The following TIA1 variants were observed in gnomAD, a reference collection of about 807,000 sequenced individuals.
The protein encoded by TIA1 is cytotoxic granule associated RNA binding protein TIA1.
A neutral mutation model predicts 65.9 loss-of-function variants in TIA1; 23 were observed. The observed-to-expected ratio is 0.35, with a 90% CI of 0.25 to 0.49. TIA1 has a LOEUF of 0.49. TIA1 is among the 20% of genes least tolerant of loss of function. TIA1 has a pLI of 0.98. For missense variants in TIA1, 371 were observed against 477.9 expected, an observed-to-expected ratio of 0.78 and a Z score of 2.09; for synonymous variants, 147 against 149.4, an observed-to-expected ratio of 0.98 and a Z score of 0.12.
intron 2 of TIA1, among the ~76,000 whole-genome samples, chr2:70,234,280 A>T (rs1373071193): frequency 1.3e-5 from 2 of 152,182 alleles, no homozygotes; most frequent in African/African-American, 4.8e-5. Context: ...ACAGGCAGCA[A>T]ATTTTCCATA....
chr2:70,224,582 T>C lies in TIA1; in HGVS notation c.446A>G (p.Tyr149Cys), dbSNP rs1379396633. The change falls in exon 7 of 13, where the codon TAT (tyrosine) becomes TGT (cysteine). Residue 149 changes from tyrosine to cysteine, a missense_variant. Physicochemically the swap from Tyr to Cys is radical, Grantham distance 194. Transcript: ENST00000433529. Reference sequence around the variant, plus strand: ...TTTGTTGAAAAAGGAGACAAAGCCATATCCCTTAGACTTTCCTGTTGCCAT... The same window carrying C: ...TTTGTTGAAAAAGGAGACAAAGCCACATCCCTTAGACTTTCCTGTTGCCAT... Reference protein sequence around the residue: ...KDMATGKSKGYGFVSFFNKWD... With the variant: ...KDMATGKSKGCGFVSFFNKWD... The C allele has an allele frequency of 1.2e-6, 2 of 1,614,080 alleles. No homozygotes were observed. The highest frequency in any genetic ancestry group is 8.5e-7 in the Non-Finnish European group (1 of 1,180,002).
chr2:70,217,087 A>T, intron 7 of TIA1, 93 bp from the exon 8 acceptor site: 1 of 1,305,862 alleles, frequency 7.7e-7, no homozygotes, highest in Non-Finnish European at 1.0e-6. Context: ...GCTTTTCACA[A>T]ATGTTTAAGT....
intron 1 of TIA1, among the ~76,000 whole-genome samples, chr2:70,238,118 G>A (rs966953511): frequency 2.2e-4 from 34 of 151,220 alleles, no homozygotes; most frequent in Middle Eastern, 3.4e-3. Flanking sequence ...CCGAGATGGT[G>A]CCACTGCACT....
intron 5 of TIA1, chr2:70,228,635 A>G (rs1684784849): frequency 3.0e-6 from 3 of 985,374 alleles, no homozygotes; most frequent in South Asian, 4.7e-5. Context: ...AAATGGACAC[A>G]TACATCAATT....
At chr2:70,228,813 G>T (rs962898559) in intron 5 of TIA1, 31 of 1,387,306 alleles carry the variant, frequency 2.2e-5, no homozygotes, top group Non-Finnish European at 7.4e-6. Context: ...TTGCCCCTTA[G>T]TTGGTGAAAG....
rs1438915662 is a variant in TIA1, at chr2:70,222,144, C to CA, written c.474+2409dup. Among the ~76,000 whole-genome samples, 735 of 136,550 alleles carry CA rather than the reference C, an allele frequency of 5.4e-3. 6 individuals are homozygous for CA. The highest frequency in any genetic ancestry group is 0.017 in the African/African-American group (663 of 39,482). 89.6% of individuals were successfully genotyped at this position (136,550 alleles called of 152,430 possible). The stretch of plus-strand genomic sequence containing the variant: ...TAAAACAAAAACAAAACAAAACAAA[C>CA]AAACAAAAAAAAAACAATGAAGCAG... On this transcript the variant is annotated intron_variant, in intron 7 of 12. Coordinates refer to ENST00000433529, the MANE Select transcript of TIA1 (RefSeq NM_022173.4).
Position 70,211,469 on chromosome 2 carries a change from GC to G in TIA1, c.*1249del, listed in dbSNP as rs1438643331. On this transcript the variant is annotated 3_prime_UTR_variant, in exon 13 of 13. Transcript: ENST00000433529. Reference sequence around the variant, plus strand: ...CCTCTGAACATTTAAAAGATGCTTTGCCCAGCTGGTCCTTCAGGCAAAATTT... The same window carrying G: ...CCTCTGAACATTTAAAAGATGCTTTGCCAGCTGGTCCTTCAGGCAAAATTT... 1 of 150,496 alleles carries G rather than the reference GC, an allele frequency of 6.6e-6. No homozygotes were observed. Among genetic ancestry groups the G allele is most frequent in the Non-Finnish European group, 1.5e-5 (1 of 67,724 alleles). 9.3% of individuals were successfully genotyped at this position (150,496 alleles called of 1,614,324 possible). A position where few individuals can be genotyped will look rare whatever the true frequency, so the allele number is the denominator to read the frequency against.
rs529234958 is a variant in TIA1, at chr2:70,210,272, T to A, written c.*2447A>T. 1 of 152,340 alleles carries A rather than the reference T, an allele frequency of 6.6e-6. No individual in the cohort carries two copies. The highest frequency in any genetic ancestry group is 2.4e-5 in the African/African-American group (1 of 41,576). The allele number at this position is 152,340 out of a possible 1,614,324, so 9.4% of individuals were successfully genotyped here. On this transcript the variant is annotated 3_prime_UTR_variant, in exon 13 of 13. Coordinates refer to ENST00000433529, the MANE Select transcript of TIA1 (RefSeq NM_022173.4). ...TAAAGAATACTGGATTAATCACCCA[T>A]TAAGTGTAAATCACTTCAGGTTCTT...
At chr2:70,245,073 C>T (rs982709637) in intron 1 of TIA1, among the ~76,000 whole-genome samples, 1 of 152,022 alleles carries the variant, frequency 6.6e-6, no homozygotes, top group African/African-American at 2.4e-5. Context: ...GCAACCTCCA[C>T]CTCCCGGGCG....
At chr2:70,221,205 C>T (rs1257420468) in intron 7 of TIA1, among the ~76,000 whole-genome samples, 2 of 151,850 alleles carry the variant, frequency 1.3e-5, no homozygotes, top group Non-Finnish European at 1.5e-5. Flanking sequence ...CGGGGTTTCA[C>T]CATGTTGGTC....
chr2:70,244,696 G>A (rs1473394405), intron 1 of TIA1, among the ~76,000 whole-genome samples: 1 of 151,964 alleles, frequency 6.6e-6, no homozygotes, highest in Admixed American at 6.6e-5. Flanking sequence ...TTAGCCAGGC[G>A]TGGTGGCGGG....
rs5832003 is a variant in TIA1 at position 70,230,652 on chromosome 2, C to CA, written c.222+103dup. The CA allele has an allele frequency of 0.19, 129,738 of 670,920 alleles. 4,022 individuals carry two copies. The highest frequency in any genetic ancestry group is 0.42 in the African/African-American group (19,524 of 46,642). The allele number at this position is 670,920 out of a possible 1,614,324, so 41.6% of individuals were successfully genotyped here. On this transcript the variant is annotated intron_variant, in intron 3 of 12. Transcript: ENST00000433529. ...GGGCAACAAGGGCAAAATTTCATCT[C>CA]AAAAAAAAAAAAAAAGTGTTTAATG...
intron 1 of TIA1, among the ~76,000 whole-genome samples, chr2:70,236,556 C>G (rs1011536988): frequency 2.0e-5 from 3 of 151,864 alleles, no homozygotes; most frequent in African/African-American, 7.2e-5. Context: ...AAACTCCTGG[C>G]CTCAAGCAAA....
At chr2:70,217,090 G>T in intron 7 of TIA1, 96 bp from the exon 8 acceptor site, 1 of 1,281,406 alleles carries the variant, frequency 7.8e-7, no homozygotes, top group African/African-American at 1.5e-5. Context: ...TTTCACAAAT[G>T]TTTAAGTGAA....
chr2:70,219,758 T>C (rs943808889), intron 7 of TIA1, among the ~76,000 whole-genome samples: 1 of 149,142 alleles, frequency 6.7e-6, no homozygotes, highest in Non-Finnish European at 1.5e-5. Flanking sequence ...TTTTTTTTTT[T>C]AATGGAGACA....
intron 5 of TIA1, chr2:70,228,460 A>T (rs1684711865): frequency 2.3e-6 from 3 of 1,277,684 alleles, no homozygotes; most frequent in Non-Finnish European, 3.0e-6. Flanking sequence ...AAGTGAACTA[A>T]GACTGAAGGC....
At chr2:70,215,608 C>A in intron 10 of TIA1, 114 bp from the exon 11 acceptor site, 2 of 944,584 alleles carry the variant, frequency 2.1e-6, no homozygotes, top group Non-Finnish European at 1.5e-6. Context: ...CGTAACATGG[C>A]ATATTTTCTT....
chr2:70,225,480 T>C, intron 6 of TIA1: 4 of 1,255,798 alleles, frequency 3.2e-6, no homozygotes, highest in Non-Finnish European at 3.1e-6. Context: ...AAAATTGGAC[T>C]CAAATTGTGC....
At chr2:70,215,688 C>T (rs1173715589) in intron 10 of TIA1, 194 bp from the exon 11 acceptor site, 2 of 533,380 alleles carry the variant, frequency 3.7e-6, no homozygotes, top group Non-Finnish European at 6.5e-6. Context: ...GTTTCACTGG[C>T]CTTGTGTTAG....
Sources: allele counts gnomAD v4.1 joint callset (sites outside exome capture counted in the v4.1 genomes callset), GRCh38; gene constraint gnomAD v4.1.1; transcripts MANE v1.5; gene names NCBI Gene and HGNC (gene_info 2026-07-23, HGNC 2026-07-21).